Variants in TESK2 observed in about 807,000 individuals in gnomAD.
TESK2 encodes the protein dual specificity testis-specific protein kinase 2.
TESK2 carries 39 observed loss-of-function variants against 57.1 expected under a neutral mutation model. That is an observed-to-expected ratio of 0.68 (90% confidence interval 0.53 to 0.89). The LOEUF is 0.89. Ranked by LOEUF, TESK2 falls within the 40% of genes least tolerant of loss-of-function variation. The pLI, the probability that TESK2 is intolerant of heterozygous loss-of-function variation, is 0.00. For missense variants in TESK2, 646 were observed against 732.1 expected (o/e 0.88, Z 1.36); for synonymous variants, 249 against 267.9 (o/e 0.93, Z 0.69).
intron 5 of TESK2, among the ~76,000 whole-genome samples, chr1:45,353,073 A>G (rs1647279575): frequency 6.6e-6 from 1 of 151,384 alleles, no homozygotes; most frequent in Non-Finnish European, 1.5e-5. Context: ...TAATTTTTGT[A>G]TTTTAGTAGA....
At chr1:45,441,811 T>C (rs2149294097) in intron 2 of TESK2, among the ~76,000 whole-genome samples, 1 of 152,072 alleles carries the variant, frequency 6.6e-6, no homozygotes, top group East Asian at 1.9e-4. Flanking sequence ...GAGACGGGGT[T>C]TCACCATGTT....
At chr1:45,358,432 T>G (rs991392103) in intron 4 of TESK2, among the ~76,000 whole-genome samples, 6 of 152,078 alleles carry the variant, frequency 3.9e-5, no homozygotes, top group African/African-American at 1.4e-4. Flanking sequence ...GAGCCATGAT[T>G]GTGCCACTAG....
intron 2 of TESK2, among the ~76,000 whole-genome samples, chr1:45,436,437 G>A (rs974012243): frequency 1.4e-5 from 2 of 144,654 alleles, no homozygotes; most frequent in South Asian, 2.2e-4. Context: ...CGCCTACTTC[G>A]GCCTCCCAAA....
chr1:45,346,349 T>C (rs988361618), intron 9 of TESK2, among the ~76,000 whole-genome samples: 2 of 152,198 alleles, frequency 1.3e-5, no homozygotes, highest in African/African-American at 4.8e-5. Flanking sequence ...CAGAGCTACA[T>C]ACATGAAGGC....
At chr1:45,347,188 C>T in intron 7 of TESK2, 126 bp from the exon 8 acceptor site, 1 of 733,692 alleles carries the variant, frequency 1.4e-6, no homozygotes, top group Non-Finnish European at 2.3e-6. Context: ...GCCCATACTT[C>T]ATCCCAGTCA....
intron 2 of TESK2, among the ~76,000 whole-genome samples, chr1:45,434,808 C>T (rs1172434398): frequency 6.6e-6 from 1 of 152,016 alleles, no homozygotes; most frequent in Non-Finnish European, 1.5e-5. Context: ...TCTCTTCACT[C>T]TATTGTTTCC....
At chr1:45,425,109 G>A (rs997440274) in intron 2 of TESK2, among the ~76,000 whole-genome samples, 1 of 152,166 alleles carries the variant, frequency 6.6e-6, no homozygotes. Flanking sequence ...TGGAAAGGAA[G>A]AAGCCAAATT....
At chr1:45,393,966 T>G (rs1649252824) in intron 3 of TESK2, among the ~76,000 whole-genome samples, 1 of 152,164 alleles carries the variant, frequency 6.6e-6, no homozygotes, top group South Asian at 2.1e-4. Flanking sequence ...CTTAAAAATT[T>G]ATATTCTGAA....
Sources: gnomAD v4.1 joint callset for allele counts (sites outside exome capture counted in the v4.1 genomes callset) on GRCh38, gnomAD v4.1.1 for gene constraint, MANE v1.5 for transcripts, NCBI Gene and HGNC (gene_info 2026-07-23, HGNC 2026-07-21) for gene names.